SH3RF3: variants seen among roughly 807,000 people sequenced by gnomAD.
The protein encoded by SH3RF3 is SH3 domain containing ring finger 3, also known as E3 ubiquitin-protein ligase SH3RF3.
SH3RF3 carries 29 observed loss-of-function variants against 66.3 expected under a neutral mutation model. That is an observed-to-expected ratio of 0.44 (90% confidence interval 0.33 to 0.60). SH3RF3 has a LOEUF of 0.60. Among genes scored for constraint, SH3RF3 ranks in the 20% least tolerant of loss-of-function variants. The pLI is 0.04. For missense variants in SH3RF3, 1,194 were observed against 1,190.9 expected (o/e 1.00, Z -0.04); for synonymous variants, 583 against 532.0 (o/e 1.10, Z -1.32).
chr2:109,370,738 A>G (rs576313708), intron 2 of SH3RF3, among the ~76,000 whole-genome samples: 1 of 149,752 alleles, frequency 6.7e-6, no homozygotes. Flanking sequence ...CCCAGTCTCA[A>G]CCCCCCCGAA....
chr2:109,176,090 C>T (rs1306210877), intron 1 of SH3RF3, among the ~76,000 whole-genome samples: 1 of 152,176 alleles, frequency 6.6e-6, no homozygotes, highest in Non-Finnish European at 1.5e-5. Flanking sequence ...CACTGGAAAG[C>T]CTCATTCTGT....
intron 2 of SH3RF3, among the ~76,000 whole-genome samples, chr2:109,358,724 T>A (rs964585608): frequency 3.3e-5 from 5 of 152,224 alleles, no homozygotes; most frequent in African/African-American, 1.2e-4. Context: ...TTTCTCCCAG[T>A]CTGTAGCGTG....
At chr2:109,286,050 G>A (rs1471778595) in intron 1 of SH3RF3, among the ~76,000 whole-genome samples, 1 of 152,198 alleles carries the variant, frequency 6.6e-6, no homozygotes, top group Non-Finnish European at 1.5e-5. Context: ...AATCAATGGT[G>A]TTTCTGACAT....
intron 1 of SH3RF3, among the ~76,000 whole-genome samples, chr2:109,262,032 G>A (rs1680369236): frequency 6.6e-6 from 1 of 152,188 alleles, no homozygotes; most frequent in South Asian, 2.1e-4. Flanking sequence ...GCAGGAGACA[G>A]GTCGGTGGCC....
intron 3 of SH3RF3, among the ~76,000 whole-genome samples, chr2:109,396,894 T>G (rs1490810027): frequency 6.6e-6 from 1 of 152,264 alleles, no homozygotes; most frequent in African/African-American, 2.4e-5. Context: ...GTTCCCACCT[T>G]CGTGGATCTC....
At chr2:109,138,002 C>T (rs1156963570) in intron 1 of SH3RF3, among the ~76,000 whole-genome samples, 3 of 152,166 alleles carry the variant, frequency 2.0e-5, no homozygotes, top group African/African-American at 2.4e-5. Context: ...CAGACACATA[C>T]ATTTATTTCG....
At chr2:109,491,882 T>G (rs1679139295) in intron 9 of SH3RF3, among the ~76,000 whole-genome samples, 1 of 152,234 alleles carries the variant, frequency 6.6e-6, no homozygotes, top group Non-Finnish European at 1.5e-5. Flanking sequence ...GAAGGCAGCC[T>G]CTGCCCTGAA....
Position 109,310,519 on chromosome 2 carries a change from C to CA in SH3RF3, c.574-37149dup, listed in dbSNP as rs1322784274. 1.9e-4 allele frequency among the ~76,000 whole-genome samples: 14 copies of CA among 74,442 alleles called. 1 individual carries two copies. The South Asian group carries it at 5.1e-3, about 27-fold the overall frequency. 48.8% of individuals were successfully genotyped at this position (74,442 alleles called of 152,430 possible). A position where few individuals can be genotyped will look rare whatever the true frequency, so the allele number is the denominator to read the frequency against. ...AGCAGAACTGAAGGAAATAGAGACACAAAAAACCCTTCAAAAAATCAGTGA... is the reference window on the plus strand; with the variant it reads ...AGCAGAACTGAAGGAAATAGAGACACAAAAAAACCCTTCAAAAAATCAGTGA... On this transcript the variant is annotated intron_variant, in intron 1 of 9. Transcript: ENST00000309415.
chr2:109,368,432 A>G (rs146097102), intron 2 of SH3RF3, among the ~76,000 whole-genome samples: 12 of 152,266 alleles, frequency 7.9e-5, no homozygotes, highest in African/African-American at 2.9e-4. Flanking sequence ...TTAGAGAACT[A>G]ATTTTATTTT....
chr2:109,437,166 AC>A lies in SH3RF3; in HGVS notation c.1828+23del, dbSNP rs752763633. On this transcript the variant is annotated intron_variant, in intron 7 of 9. Transcript: ENST00000309415. Reference sequence around the variant, plus strand: ...CAACAGGTACCTTCACAGGGGCCTCACCCTGCAGGGCATCAACAAGGGGGCT... The same window carrying A: ...CAACAGGTACCTTCACAGGGGCCTCACCTGCAGGGCATCAACAAGGGGGCT... The A allele has an allele frequency of 2.5e-6, 4 of 1,593,928 alleles. No individual in the cohort carries two copies. The East Asian group carries it at 9.0e-5, about 36-fold the overall frequency.
At chr2:109,261,260 C>G (rs1409076942) in intron 1 of SH3RF3, among the ~76,000 whole-genome samples, 1 of 152,078 alleles carries the variant, frequency 6.6e-6, no homozygotes, top group Admixed American at 6.5e-5. Flanking sequence ...TCAAGCAGAA[C>G]AAAGCAATGA....
At chr2:109,306,586 G>A (rs1283156202) in intron 1 of SH3RF3, among the ~76,000 whole-genome samples, 2 of 152,202 alleles carry the variant, frequency 1.3e-5, no homozygotes, top group African/African-American at 2.4e-5. Context: ...CTCCAGGCAG[G>A]AAGCTACATG....
chr2:109,363,652 C>T (rs554773652), intron 2 of SH3RF3, among the ~76,000 whole-genome samples: 185 of 152,314 alleles, frequency 1.2e-3, no homozygotes, highest in Non-Finnish European at 2.1e-3. Flanking sequence ...GGCACATCTA[C>T]TGGCAACACA....
chr2:109,368,724 G>A (rs867692793), intron 2 of SH3RF3, among the ~76,000 whole-genome samples: 78 of 130,828 alleles, frequency 6.0e-4, no homozygotes, highest in African/African-American at 1.6e-3. Context: ...AAAAAAAAAA[G>A]AAAAAGAAAA....
chr2:109,161,027 G>A (rs548635307), intron 1 of SH3RF3, among the ~76,000 whole-genome samples: 1 of 152,284 alleles, frequency 6.6e-6, no homozygotes, highest in East Asian at 1.9e-4. Context: ...TGGATGTGAA[G>A]GCTGTGAGAG....
chr2:109,445,965 C>T (rs1378905192), intron 7 of SH3RF3, among the ~76,000 whole-genome samples: 1 of 151,934 alleles, frequency 6.6e-6, no homozygotes, highest in Non-Finnish European at 1.5e-5. Flanking sequence ...CTGAAACACA[C>T]CAAAAGTTTA....
chr2:109,455,689 C>G (rs188160421), intron 8 of SH3RF3, among the ~76,000 whole-genome samples: 1 of 152,202 alleles, frequency 6.6e-6, no homozygotes, highest in Non-Finnish European at 1.5e-5. Flanking sequence ...TGTATTTCCT[C>G]TCGAGTGGAG....
At chr2:109,427,576 G>C (rs947541858) in intron 5 of SH3RF3, among the ~76,000 whole-genome samples, 4 of 152,172 alleles carry the variant, frequency 2.6e-5, no homozygotes, top group African/African-American at 9.7e-5. Context: ...CACTGGCCCA[G>C]GTTCACACTT....
intron 1 of SH3RF3, among the ~76,000 whole-genome samples, chr2:109,305,896 C>T (rs954830278): frequency 6.6e-6 from 1 of 152,226 alleles, no homozygotes; most frequent in East Asian, 1.9e-4. Flanking sequence ...CCAGGAGTTC[C>T]CCTGAGCTCT....
Sources: gnomAD v4.1 joint callset for allele counts (sites outside exome capture counted in the v4.1 genomes callset) on GRCh38, gnomAD v4.1.1 for gene constraint, MANE v1.5 for transcripts, NCBI Gene and HGNC (gene_info 2026-07-23, HGNC 2026-07-21) for gene names.